The following PDE3A variants were observed in gnomAD, a reference collection of about 807,000 sequenced individuals.
PDE3A encodes cGMP-inhibited 3',5'-cyclic phosphodiesterase 3A.
Under a neutral mutation model 98.3 loss-of-function variants are expected in PDE3A, and 43 were observed. The observed-to-expected ratio is 0.44, with a 90% CI of 0.34 to 0.56. PDE3A has a LOEUF of 0.56. Ranked by LOEUF, PDE3A falls within the 20% of genes least tolerant of loss-of-function variation. PDE3A has a pLI of 0.01. For missense variants in PDE3A, 1,427 were observed against 1,440.7 expected, an observed-to-expected ratio of 0.99 and a Z score of 0.15; for synonymous variants, 663 against 567.9, an observed-to-expected ratio of 1.17 and a Z score of -2.38.
chr12:20,480,622 G>C (rs775893291), intron 1 of PDE3A, among the ~76,000 whole-genome samples: 3 of 152,100 alleles, frequency 2.0e-5, no homozygotes, highest in African/African-American at 7.2e-5. Flanking sequence ...CTTATTGACT[G>C]TTTTCATCTC....
At position 20,556,662 on chromosome 12, in the gene PDE3A, C is replaced by A; in HGVS notation, c.963C>A (p.Leu321=). ...TSLPCIPREQ[L]MGHSEWDHKR... ...TATTATAATTTTCATCTTTCCAGCTCATGGGGCATTCAGAATGGGACCACA... is the reference window on the plus strand; with the variant it reads ...TATTATAATTTTCATCTTTCCAGCTAATGGGGCATTCAGAATGGGACCACA... The change falls in exon 2 of 16, where the codon CTC becomes CTA. Residue 321 remains leucine (L), a splice_region_variant and synonymous_variant. Coordinates refer to ENST00000359062, the MANE Select transcript of PDE3A (RefSeq NM_000921.5). 1 of 1,584,866 alleles carries A rather than the reference C, an allele frequency of 6.3e-7. No individual in the cohort carries two copies. The highest frequency in any genetic ancestry group is 8.7e-7 in the Non-Finnish European group (1 of 1,153,770).
At position 20,685,335 on chromosome 12, in the gene PDE3A, G is replaced by C. The variant is rs558745264; in HGVS notation, c.*5064G>C. On this transcript the variant is annotated 3_prime_UTR_variant, in exon 16 of 16. Coordinates refer to ENST00000359062, the MANE Select transcript of PDE3A (RefSeq NM_000921.5). ...GCTGAGGCAGAATCGCTTGAACCTG[G>C]GAGGCAGAGGTTATGGTGAGCTGAG... 6.7e-6 allele frequency among the ~76,000 whole-genome samples: 1 copy of C among 150,030 alleles called. No individual in the cohort carries two copies. Among genetic ancestry groups the C allele is most frequent in the African/African-American group, 2.5e-5 (1 of 40,566 alleles).
chr12:20,425,188 G>C (rs970073696), intron 1 of PDE3A, among the ~76,000 whole-genome samples: 16 of 152,188 alleles, frequency 1.1e-4, no homozygotes, highest in African/African-American at 3.6e-4. Context: ...ATAATGTCTG[G>C]TGGTAATGCG....
At chr12:20,473,241 A>C (rs1404873341) in intron 1 of PDE3A, among the ~76,000 whole-genome samples, 1 of 152,186 alleles carries the variant, frequency 6.6e-6, no homozygotes, top group Non-Finnish European at 1.5e-5. Context: ...TTTAACACTG[A>C]AAGAGACATG....
intron 1 of PDE3A, among the ~76,000 whole-genome samples, chr12:20,420,112 T>C (rs1047907710): frequency 6.6e-6 from 1 of 152,192 alleles, no homozygotes; most frequent in African/African-American, 2.4e-5. Flanking sequence ...TCATAATTTT[T>C]ATTTACAAAG....
At chr12:20,385,267 A>C (rs1173373045) in intron 1 of PDE3A, among the ~76,000 whole-genome samples, 1 of 152,036 alleles carries the variant, frequency 6.6e-6, no homozygotes, top group Non-Finnish European at 1.5e-5. Flanking sequence ...TAGAATGGCG[A>C]TCATTAAAAA....
chr12:20,486,512 G>A (rs768965925), intron 1 of PDE3A, among the ~76,000 whole-genome samples: 1 of 152,166 alleles, frequency 6.6e-6, no homozygotes, highest in Non-Finnish European at 1.5e-5. Context: ...CATTCATTAA[G>A]ATTAACAATT....
In PDE3A at chr12:20,616,267, G is replaced by A. The variant is rs756213309; in HGVS notation, c.1307G>A (p.Arg436Gln). The part of the protein sequence containing the change: ...RRSLPPGLLR[R>Q]VSSTWTTTTS... ...AGTTTGCCTCCTGGCTTGTTGAGAC[G>A]AGTTTCTTCCACTTGGACCACCACC... The change falls in exon 4 of 16, where the codon CGA (arginine) becomes CAA (glutamine). Residue 436 changes from arginine (R) to glutamine (Q), a missense_variant. Coordinates refer to ENST00000359062, the MANE Select transcript of PDE3A (RefSeq NM_000921.5). 7 of 1,613,864 alleles carry A rather than the reference G, an allele frequency of 4.3e-6. No individual in the cohort carries two copies. Among genetic ancestry groups the A allele is most frequent in the South Asian group, 3.3e-5 (3 of 91,070 alleles).
chr12:20,515,922 C>T (rs943140534), intron 1 of PDE3A, among the ~76,000 whole-genome samples: 36 of 150,268 alleles, frequency 2.4e-4, no homozygotes, highest in Non-Finnish European at 5.0e-4. Context: ...TTAGTAGAGA[C>T]GGGGTTTCAC....
At chr12:20,386,718 C>G (rs111593723) in intron 1 of PDE3A, among the ~76,000 whole-genome samples, 10,325 of 152,022 alleles carry the variant, frequency 0.068, 464 homozygotes, top group Admixed American at 0.096. Context: ...AAAATTTTCT[C>G]CCATTCTATA....
At chr12:20,585,417 A>G (rs1370192079) in intron 2 of PDE3A, among the ~76,000 whole-genome samples, 1 of 152,202 alleles carries the variant, frequency 6.6e-6, no homozygotes, top group East Asian at 1.9e-4. Context: ...ACAATAGGTT[A>G]TTCATTTTCT....
intron 1 of PDE3A, among the ~76,000 whole-genome samples, chr12:20,396,485 C>T (rs1408923881): frequency 6.6e-6 from 1 of 151,910 alleles, no homozygotes; most frequent in Non-Finnish European, 1.5e-5. Context: ...CAAGTCTTCC[C>T]TAATAATTTA....
At chr12:20,529,041 A>G (rs1014358717) in intron 1 of PDE3A, among the ~76,000 whole-genome samples, 1 of 152,150 alleles carries the variant, frequency 6.6e-6, no homozygotes, top group Non-Finnish European at 1.5e-5. Flanking sequence ...CGGGAATTCA[A>G]ATTTTAAATA....
At chr12:20,398,841 T>C (rs924449793) in intron 1 of PDE3A, among the ~76,000 whole-genome samples, 1 of 152,158 alleles carries the variant, frequency 6.6e-6, no homozygotes, top group African/African-American at 2.4e-5. Flanking sequence ...TTTACCATGT[T>C]AACCATTTTT....
Position 20,370,401 on chromosome 12 carries a change from T to G in PDE3A, c.960+157T>G, listed in dbSNP as rs201226971. 19 of 423,052 alleles carry G rather than the reference T, an allele frequency of 4.5e-5. 1 individual carries two copies. The highest frequency in any genetic ancestry group is 2.5e-4 in the East Asian group (7 of 27,522). 26.2% of individuals were successfully genotyped at this position (423,052 alleles called of 1,614,324 possible). A position where few individuals can be genotyped will look rare whatever the true frequency, so the allele number is the denominator to read the frequency against. On this transcript the variant is annotated intron_variant, in intron 1 of 15. Transcript: ENST00000359062. ...AAGAAACTAGCAGGTTTTTTTTTTG[T>G]TTTTTTTGTTTTTTTTTTTTTGTTT...
intron 1 of PDE3A, among the ~76,000 whole-genome samples, chr12:20,501,021 G>C (rs1946015410): frequency 6.6e-6 from 1 of 152,080 alleles, no homozygotes; most frequent in Non-Finnish European, 1.5e-5. Flanking sequence ...GCCCACCTCG[G>C]TCTCCCAAAG....
intron 1 of PDE3A, among the ~76,000 whole-genome samples, chr12:20,520,397 T>C (rs1242474134): frequency 6.6e-6 from 1 of 152,204 alleles, no homozygotes; most frequent in Non-Finnish European, 1.5e-5. Context: ...ATTGGCTTTA[T>C]TTTTTCCTGA....
At chr12:20,510,302 A>G (rs1946197128) in intron 1 of PDE3A, among the ~76,000 whole-genome samples, 1 of 152,040 alleles carries the variant, frequency 6.6e-6, no homozygotes, top group South Asian at 2.1e-4. Flanking sequence ...AATAATGTAT[A>G]TTCTTTTCTG....
At chr12:20,612,569 T>G (rs1220003662) in intron 2 of PDE3A, among the ~76,000 whole-genome samples, 1 of 106,060 alleles carries the variant, frequency 9.4e-6, no homozygotes, top group Non-Finnish European at 2.0e-5. Flanking sequence ...TTTATACTTC[T>G]GTTTTTTCTC....
Sources: gnomAD v4.1 joint callset for allele counts (sites outside exome capture counted in the v4.1 genomes callset) on GRCh38, gnomAD v4.1.1 for gene constraint, MANE v1.5 for transcripts, NCBI Gene and HGNC (gene_info 2026-07-23, HGNC 2026-07-21) for gene names.